Variants in RBMS1 observed in about 807,000 individuals in gnomAD.
The protein encoded by RBMS1 is RNA binding motif single stranded interacting protein 1.
Under a neutral mutation model 62.3 loss-of-function variants are expected in RBMS1, and 17 were observed. The ratio of observed to expected loss-of-function variants is 0.27; its 90% CI spans 0.19 to 0.41. The LOEUF (loss-of-function observed/expected upper bound fraction) is 0.41. RBMS1 is among the 10% of genes least tolerant of loss of function. The pLI is 1.00. For missense variants in RBMS1, 334 were observed against 504.5 expected, an observed-to-expected ratio of 0.66 and a Z score of 3.24; for synonymous variants, 172 against 170.0, an observed-to-expected ratio of 1.01 and a Z score of -0.09.
chr2:160,341,087 T>C (rs538139076), intron 2 of RBMS1, among the ~76,000 whole-genome samples: 2 of 152,258 alleles, frequency 1.3e-5, no homozygotes, highest in East Asian at 3.9e-4. Context: ...AAAATATATG[T>C]TTGAGTGGGT....
At chr2:160,310,679 G>A (rs1689802907) in intron 4 of RBMS1, among the ~76,000 whole-genome samples, 1 of 150,390 alleles carries the variant, frequency 6.6e-6, no homozygotes, top group South Asian at 2.1e-4. Context: ...ACGGACAGTG[G>A]GGGAAAGAAG....
chr2:160,322,778 G>C (rs1020374873), intron 2 of RBMS1, among the ~76,000 whole-genome samples: 14 of 152,208 alleles, frequency 9.2e-5, no homozygotes, highest in Admixed American at 8.5e-4. Context: ...TGCAACCCTT[G>C]AAATCCGTCA....
chr2:160,441,365 T>C (rs1248617688), intron 1 of RBMS1, among the ~76,000 whole-genome samples: 1 of 152,242 alleles, frequency 6.6e-6, no homozygotes, highest in Admixed American at 6.5e-5. Context: ...TTTTTATTTC[T>C]TGTTGGTAAA....
At chr2:160,284,551 T>G (rs1345385629) in intron 9 of RBMS1, 2 of 519,846 alleles carry the variant, frequency 3.8e-6, no homozygotes, top group Non-Finnish European at 7.0e-6. Context: ...AATGCTATGA[T>G]TCCAAGGACT....
intron 1 of RBMS1, among the ~76,000 whole-genome samples, chr2:160,399,944 A>G (rs550697509): frequency 7.2e-5 from 11 of 152,354 alleles, no homozygotes; most frequent in East Asian, 3.9e-4. Context: ...ACTGGAACCA[A>G]TTTTGCAAAG....
chr2:160,310,496 G>A (rs1689789836), intron 4 of RBMS1, among the ~76,000 whole-genome samples: 1 of 152,178 alleles, frequency 6.6e-6, no homozygotes, highest in Non-Finnish European at 1.5e-5. Context: ...GCTTCATGGA[G>A]TTTGGCTATG....
At chr2:160,426,294 G>GAAAAA (rs1256947237) in intron 1 of RBMS1, among the ~76,000 whole-genome samples, 1 of 66,124 alleles carries the variant, frequency 1.5e-5, no homozygotes, top group Non-Finnish European at 3.0e-5. Flanking sequence ...AGAAAGAAAA[G>GAAAAA]AAAGAAGGAA....
intron 2 of RBMS1, among the ~76,000 whole-genome samples, chr2:160,320,832 A>G (rs536447990): frequency 3.7e-4 from 57 of 152,258 alleles, no homozygotes; most frequent in African/African-American, 1.3e-3. Context: ...CTTTACAGGA[A>G]CACGAAAAAT....
chr2:160,345,468 C>T (rs1692125357), intron 2 of RBMS1, among the ~76,000 whole-genome samples: 2 of 152,112 alleles, frequency 1.3e-5, no homozygotes, highest in South Asian at 4.1e-4. Context: ...AATTCATATT[C>T]CATGTAACAG....
intron 1 of RBMS1, among the ~76,000 whole-genome samples, chr2:160,437,445 G>A (rs1467884718): frequency 6.6e-6 from 1 of 152,166 alleles, no homozygotes; most frequent in African/African-American, 2.4e-5. Context: ...TTCAAAAATT[G>A]CCAGTTCTGT....
intron 2 of RBMS1, among the ~76,000 whole-genome samples, chr2:160,323,525 AAACAGGTCT>A (rs1690700321): frequency 6.6e-6 from 1 of 151,590 alleles, no homozygotes; most frequent in Non-Finnish European, 1.5e-5. Context: ...GTACTAGGAG[AAACAGGTCT>A]CCTGACTGGC....
intron 1 of RBMS1, among the ~76,000 whole-genome samples, chr2:160,483,850 C>T (rs1222026291): frequency 6.6e-6 from 1 of 152,186 alleles, no homozygotes; most frequent in Non-Finnish European, 1.5e-5. Context: ...CCCAAGCCCA[C>T]TCTGCAGGAC....
At chr2:160,366,513 A>C (rs1307359327) in intron 2 of RBMS1, among the ~76,000 whole-genome samples, 2 of 152,246 alleles carry the variant, frequency 1.3e-5, no homozygotes, top group Non-Finnish European at 2.9e-5. Flanking sequence ...TCTTTGCACT[A>C]TACAGTGCTT....
intron 1 of RBMS1, among the ~76,000 whole-genome samples, chr2:160,469,134 C>T (rs1327076135): frequency 6.6e-6 from 1 of 152,186 alleles, no homozygotes; most frequent in Admixed American, 6.5e-5. Context: ...TACAAGAAAA[C>T]ACAAAGAGAA....
intron 13 of RBMS1, 49 bp downstream of exon 13, chr2:160,275,581 G>C: frequency 6.3e-7 from 1 of 1,597,964 alleles, no homozygotes; most frequent in Non-Finnish European, 8.6e-7. Flanking sequence ...AAGCCCTATA[G>C]ATTGTGCTTG....
intron 1 of RBMS1, among the ~76,000 whole-genome samples, chr2:160,434,195 C>T (rs1475700600): frequency 6.6e-6 from 1 of 152,046 alleles, no homozygotes; most frequent in Admixed American, 6.5e-5. Flanking sequence ...AAATAACATT[C>T]AATAGAAAAA....
chr2:160,379,784 TTCATC>T (rs1340631059), intron 1 of RBMS1, among the ~76,000 whole-genome samples: 1 of 152,202 alleles, frequency 6.6e-6, no homozygotes, highest in Non-Finnish European at 1.5e-5. Context: ...AAAGCATCAT[TTCATC>T]TCTTTTACCA....
At chr2:160,434,897 A>C (rs146493735) in intron 1 of RBMS1, among the ~76,000 whole-genome samples, 65 of 152,304 alleles carry the variant, frequency 4.3e-4, no homozygotes, top group African/African-American at 1.5e-3. Flanking sequence ...AAATAAAAGG[A>C]GCTTTGACTT....
intron 1 of RBMS1, among the ~76,000 whole-genome samples, chr2:160,380,255 G>A (rs561815250): frequency 5.3e-5 from 8 of 152,178 alleles, no homozygotes; most frequent in South Asian, 2.1e-4. Context: ...GACTAGTGAC[G>A]GGGAGCAGCT....
Sources: allele counts gnomAD v4.1 joint callset (sites outside exome capture counted in the v4.1 genomes callset), GRCh38; gene constraint gnomAD v4.1.1; transcripts MANE v1.5; gene names NCBI Gene and HGNC (gene_info 2026-07-23, HGNC 2026-07-21).